The following AGBL4 variants were observed in gnomAD, a reference collection of about 807,000 sequenced individuals.
AGBL4 encodes cytosolic carboxypeptidase 6.
A neutral mutation model predicts 66.4 loss-of-function variants in AGBL4; 58 were observed. That is an observed-to-expected ratio of 0.87 (90% CI 0.71 to 1.09). The LOEUF (loss-of-function observed/expected upper bound fraction) is 1.09. Ranked by LOEUF, AGBL4 falls within the 50% of genes least tolerant of loss-of-function variation. The pLI is 0.00. For synonymous variants in AGBL4, 234 were observed against 222.9 expected, an observed-to-expected ratio of 1.05 and a Z score of -0.44; for missense variants, 579 against 631.0, an observed-to-expected ratio of 0.92 and a Z score of 0.88.
At chr1:49,608,809 C>T (rs1421253213) in intron 3 of AGBL4, among the ~76,000 whole-genome samples, 1 of 152,014 alleles carries the variant, frequency 6.6e-6, no homozygotes, top group African/African-American at 2.4e-5. Context: ...GTAAGCATAA[C>T]AATAGAAACT....
chr1:48,683,851 C>A (rs1226443659), intron 6 of AGBL4, among the ~76,000 whole-genome samples: 1 of 152,234 alleles, frequency 6.6e-6, no homozygotes, highest in Non-Finnish European at 1.5e-5. Context: ...AATGTAATTA[C>A]TTTCCACTTT....
At chr1:49,498,607 A>G (rs1380870993) in intron 3 of AGBL4, among the ~76,000 whole-genome samples, 1 of 151,934 alleles carries the variant, frequency 6.6e-6, no homozygotes, top group East Asian at 2.0e-4. Context: ...GGGAAAAAAA[A>G]TACTGCATAA....
chr1:50,007,087 T>C (rs1661182929), intron 1 of AGBL4, among the ~76,000 whole-genome samples: 2 of 152,092 alleles, frequency 1.3e-5, no homozygotes, highest in South Asian at 2.1e-4. Context: ...AGACTTAAAA[T>C]GTAGAGTTTT....
chr1:49,250,213 A>C (rs1432807009), intron 3 of AGBL4, among the ~76,000 whole-genome samples: 1 of 152,214 alleles, frequency 6.6e-6, no homozygotes, highest in African/African-American at 2.4e-5. Flanking sequence ...TAGGTAGAAC[A>C]GAATTATAAT....
intron 2 of AGBL4, among the ~76,000 whole-genome samples, chr1:49,840,662 TA>T (rs1311359731): frequency 1.3e-5 from 2 of 152,176 alleles, no homozygotes; most frequent in Non-Finnish European, 2.9e-5. Context: ...ATCAAAAAGC[TA>T]ATTCACCACA....
In AGBL4 at chr1:49,240,177, A is replaced by G. The variant is rs148250589; in HGVS notation, c.377+5593T>C. On this transcript the variant is annotated intron_variant, in intron 4 of 13. Transcript: ENST00000371839. ...TAAGACTTACAGAAAGTATGAATCT[A>G]TTGCTAGGTGTACATACCTCTATCA... Among the ~76,000 whole-genome samples the G allele has an allele frequency of 2.0e-4, 30 of 152,260 alleles. No individual in the cohort carries two copies. The East Asian group carries it at 5.6e-3, about 28-fold the overall frequency.
chr1:49,360,305 T>C (rs1438298093), intron 3 of AGBL4, among the ~76,000 whole-genome samples: 1 of 152,182 alleles, frequency 6.6e-6, no homozygotes, highest in Non-Finnish European at 1.5e-5. Flanking sequence ...AGTTTCCTTA[T>C]CTGTAAAACA....
intron 6 of AGBL4, among the ~76,000 whole-genome samples, chr1:48,790,798 G>A (rs990235958): frequency 2.2e-4 from 33 of 152,268 alleles, no homozygotes; most frequent in African/African-American, 6.0e-4. Flanking sequence ...TTATAAAAAC[G>A]AGTTTGAGCT....
At chr1:48,620,230 A>C (rs1235448618) in intron 9 of AGBL4, among the ~76,000 whole-genome samples, 1 of 152,158 alleles carries the variant, frequency 6.6e-6, no homozygotes, top group African/African-American at 2.4e-5. Flanking sequence ...ATTTGAGCTA[A>C]TGGCTCAAAC....
intron 3 of AGBL4, among the ~76,000 whole-genome samples, chr1:49,613,138 C>T (rs557870655): frequency 2.6e-5 from 4 of 151,976 alleles, no homozygotes; most frequent in Non-Finnish European, 4.4e-5. Context: ...AACAAAAAAC[C>T]AAATACTGCA....
intron 2 of AGBL4, among the ~76,000 whole-genome samples, chr1:49,743,225 A>T (rs1426680337): frequency 6.6e-6 from 1 of 152,216 alleles, no homozygotes. Context: ...AAACAACCCC[A>T]ACAAAAACTG....
At chr1:48,613,203 T>G (rs1243460797) in intron 9 of AGBL4, among the ~76,000 whole-genome samples, 2 of 152,230 alleles carry the variant, frequency 1.3e-5, no homozygotes, top group South Asian at 2.1e-4. Context: ...GTTTGAATTT[T>G]TGAAGAAAAA....
At chr1:49,837,351 T>C (rs1165452068) in intron 2 of AGBL4, among the ~76,000 whole-genome samples, 1 of 152,220 alleles carries the variant, frequency 6.6e-6, no homozygotes, top group Non-Finnish European at 1.5e-5. Context: ...GCTTTGTTTA[T>C]ACTGTGAGGG....
intron 6 of AGBL4, among the ~76,000 whole-genome samples, chr1:48,666,037 A>G (rs1646181827): frequency 6.6e-6 from 1 of 152,234 alleles, no homozygotes; most frequent in Non-Finnish European, 1.5e-5. Context: ...ATAAAAATCA[A>G]GCATCTCGGG....
intron 1 of AGBL4, among the ~76,000 whole-genome samples, chr1:49,867,893 G>A (rs958136252): frequency 6.6e-6 from 1 of 152,134 alleles, no homozygotes; most frequent in Non-Finnish European, 1.5e-5. Flanking sequence ...AAATGTAAGT[G>A]GGCTAAATGC....
At chr1:49,264,324 CTT>C (rs1444368528) in intron 3 of AGBL4, among the ~76,000 whole-genome samples, 2 of 152,004 alleles carry the variant, frequency 1.3e-5, no homozygotes, top group African/African-American at 4.8e-5. Flanking sequence ...ATTTAAATAA[CTT>C]TAATTCATTT....
intron 1 of AGBL4, among the ~76,000 whole-genome samples, chr1:50,022,661 C>T (rs1245863814): frequency 7.2e-6 from 1 of 139,038 alleles, no homozygotes; most frequent in African/African-American, 2.7e-5. Context: ...CACACACACA[C>T]CAGGACCAAA....
At chr1:48,741,818 A>G (rs950127678) in intron 6 of AGBL4, among the ~76,000 whole-genome samples, 1 of 152,250 alleles carries the variant, frequency 6.6e-6, no homozygotes, top group African/African-American at 2.4e-5. Context: ...TGCATGCCAC[A>G]GTGGCAGAGA....
chr1:49,873,629 C>G (rs1646893718), intron 1 of AGBL4, among the ~76,000 whole-genome samples: 1 of 151,936 alleles, frequency 6.6e-6, no homozygotes, highest in Non-Finnish European at 1.5e-5. Flanking sequence ...TGACTATTCT[C>G]CTACCTGCTC....
Sources: gnomAD v4.1 joint callset for allele counts (sites outside exome capture counted in the v4.1 genomes callset) on GRCh38, gnomAD v4.1.1 for gene constraint, MANE v1.5 for transcripts, NCBI Gene and HGNC (gene_info 2026-07-23, HGNC 2026-07-21) for gene names.